The following FAM20A variants were observed in gnomAD, a reference collection of about 807,000 sequenced individuals.
FAM20A encodes the protein pseudokinase FAM20A.
Under a neutral mutation model 52.0 loss-of-function variants are expected in FAM20A, and 42 were observed. The ratio of observed to expected loss-of-function variants is 0.81; its 90% CI spans 0.63 to 1.04. FAM20A has a LOEUF of 1.04. Ranked by LOEUF, FAM20A falls within the 50% of genes least tolerant of loss-of-function variation. FAM20A has a pLI of 0.00. For synonymous variants in FAM20A, 304 were observed against 298.9 expected (o/e 1.02, Z -0.18); for missense variants, 742 against 712.7 (o/e 1.04, Z -0.47).
intron 1 of FAM20A, among the ~76,000 whole-genome samples, chr17:68,568,073 G>A (rs1423566834): frequency 6.6e-6 from 1 of 151,856 alleles, no homozygotes; most frequent in Non-Finnish European, 1.5e-5. Flanking sequence ...TCTTACTCTG[G>A]TCAGTCATTG....
chr17:68,544,713 A>C (rs2143543596), intron 4 of FAM20A, among the ~76,000 whole-genome samples: 1 of 133,796 alleles, frequency 7.5e-6, no homozygotes, highest in East Asian at 1.9e-4. Flanking sequence ...CCGTTACAGC[A>C]CAACCCTCCG....
Position 68,537,463 on chromosome 17 carries a change from G to A in FAM20A, c.*14C>T. The A allele has an allele frequency of 5.6e-6, 9 of 1,614,004 alleles. No individual in the cohort carries two copies. Among genetic ancestry groups the A allele is most frequent in the Non-Finnish European group, 7.6e-6 (9 of 1,180,002 alleles). On this transcript the variant is annotated 3_prime_UTR_variant, in exon 11 of 11. Transcript: ENST00000592554. The surrounding 1 kb of genome is among the most constrained non-coding windows in gnomAD (Gnocchi z 4.2). ...GCTCCAGGCGTATTTTCTGAAACTG[G>A]ACTCTGCCAGCCCTTAGCTTGTCAA...
At chr17:68,587,347 C>A (rs952169316) in intron 1 of FAM20A, among the ~76,000 whole-genome samples, 2 of 152,286 alleles carry the variant, frequency 1.3e-5, no homozygotes, top group South Asian at 4.1e-4. Context: ...TTTCTGACAG[C>A]AAATTATACC....
chr17:68,581,994 G>C (rs952944585), intron 1 of FAM20A, among the ~76,000 whole-genome samples: 18 of 152,114 alleles, frequency 1.2e-4, no homozygotes, highest in African/African-American at 4.3e-4. Context: ...TGGGTGAAGT[G>C]GTCAGCACTG....
At chr17:68,553,957 CAT>C (rs1243933480) in intron 3 of FAM20A, among the ~76,000 whole-genome samples, 9 of 142,960 alleles carry the variant, frequency 6.3e-5, no homozygotes, top group South Asian at 4.5e-4. Flanking sequence ...CACATATATG[CAT>C]ATATACATAT....
intron 1 of FAM20A, among the ~76,000 whole-genome samples, chr17:68,578,711 C>T (rs2087844738): frequency 1.3e-5 from 2 of 151,340 alleles, no homozygotes; most frequent in African/African-American, 2.4e-5. Flanking sequence ...TGTCTAGGCT[C>T]GGCCAGGTGC....
Position 68,537,131 on chromosome 17 carries a change from A to G in FAM20A, c.*346T>C. The G allele has an allele frequency of 8.2e-6, 4 of 489,568 alleles. No individual in the cohort carries two copies. Among genetic ancestry groups the G allele is most frequent in the South Asian group, 6.2e-5 (4 of 64,756 alleles). 30.3% of individuals were successfully genotyped at this position (489,568 alleles called of 1,614,324 possible). A position where few individuals can be genotyped will look rare whatever the true frequency, so the allele number is the denominator to read the frequency against. On this transcript the variant is annotated 3_prime_UTR_variant, in exon 11 of 11. Transcript: ENST00000592554. This position sits in a 1 kb window ranked among gnomAD's most constrained non-coding sequence, Gnocchi z 4.2. The stretch of plus-strand genomic sequence containing the variant: ...TCCTGAGAAGTCAGGTATCCACTTG[A>G]TGTCCTTTTATTTGACTTGTTACCA...
intron 4 of FAM20A, among the ~76,000 whole-genome samples, chr17:68,546,477 A>G (rs1219461590): frequency 2.0e-5 from 3 of 152,040 alleles, no homozygotes; most frequent in Non-Finnish European, 4.4e-5. Context: ...GACCTTGCCC[A>G]GGTTCATCAG....
At chr17:68,556,574 A>G (rs57868759) in intron 1 of FAM20A, among the ~76,000 whole-genome samples, 23,928 of 107,392 alleles carry the variant, frequency 0.22, 1,932 homozygotes, top group South Asian at 0.26. Context: ...AGAACGGGGC[A>G]GGGAGGGGGG....
rs546304679 is a variant in FAM20A at position 68,544,083 on chromosome 17, C to T, written c.720-362G>A. ...GAAGAGAGGGGAATGGTTAGCAGAA[C>T]CAGAGGTAGTGCAGATCCAGATGTC... On this transcript the variant is annotated intron_variant, in intron 4 of 10. Transcript: ENST00000592554. 3.9e-5 allele frequency among the ~76,000 whole-genome samples: 6 copies of T among 152,138 alleles called. No individual in the cohort carries two copies. In the South Asian group the frequency reaches 1.2e-3, roughly 32 times the overall value.
At chr17:68,564,983 C>A (rs1232247550) in intron 1 of FAM20A, among the ~76,000 whole-genome samples, 1 of 152,100 alleles carries the variant, frequency 6.6e-6, no homozygotes, top group Non-Finnish European at 1.5e-5. Flanking sequence ...TAGTCACTAA[C>A]CACACGGCTT....
At chr17:68,579,187 G>A (rs191495803) in intron 1 of FAM20A, among the ~76,000 whole-genome samples, 40 of 152,210 alleles carry the variant, frequency 2.6e-4, no homozygotes, top group Admixed American at 6.5e-4. Flanking sequence ...TTTCTTGGAG[G>A]TGATCCAATG....
intron 6 of FAM20A, 75 bp from the exon 7 acceptor site, chr17:68,542,240 C>A: frequency 6.6e-7 from 1 of 1,517,096 alleles, no homozygotes; most frequent in African/African-American, 1.4e-5. Flanking sequence ...CCTAGGAAAT[C>A]CACTGGGAGG....
At chr17:68,558,432 G>A (rs1391638760) in intron 1 of FAM20A, 1 of 377,756 alleles carries the variant, frequency 2.6e-6, no homozygotes, top group Non-Finnish European at 5.4e-6. Context: ...TAACATAGGG[G>A]TGGGTCCCTC....
chr17:68,553,685 G>T (rs12944075), intron 3 of FAM20A, among the ~76,000 whole-genome samples: 24,011 of 151,852 alleles, frequency 0.16, 1,948 homozygotes, highest in South Asian at 0.18. Context: ...ACCCCTGGGG[G>T]TGGAGGCTAG....
At chr17:68,599,113 A>AG in intron 1 of FAM20A, among the ~76,000 whole-genome samples, 1 of 151,876 alleles carries the variant, frequency 6.6e-6, no homozygotes, top group Non-Finnish European at 1.5e-5. Context: ...AAATTTCTGA[A>AG]GGTTTTTTTT....
chr17:68,573,448 CTTTCTTTCTTCT>C (rs1206420815), intron 1 of FAM20A, among the ~76,000 whole-genome samples: 28 of 121,564 alleles, frequency 2.3e-4, no homozygotes, highest in East Asian at 1.6e-3. Flanking sequence ...TTCTTTCTTT[CTTTCTTTCTTCT>C]TTCTTTCTTT....
intron 4 of FAM20A, among the ~76,000 whole-genome samples, chr17:68,547,647 C>T (rs1274087841): frequency 1.3e-5 from 2 of 152,238 alleles, no homozygotes; most frequent in Admixed American, 1.3e-4. Context: ...TCTCACCTGT[C>T]TCAGCCTTCA....
In FAM20A at chr17:68,600,735, G is replaced by T; in HGVS notation, c.-69C>A. Reference sequence around the variant, plus strand: ...CCGGGGTCCCGGGAGGGGTCGCGGGGTGCGGGCAGAAGAGGTGCCTGGAGT... The same window carrying T: ...CCGGGGTCCCGGGAGGGGTCGCGGGTTGCGGGCAGAAGAGGTGCCTGGAGT... On this transcript the variant is annotated 5_prime_UTR_variant, in exon 1 of 11. Coordinates refer to ENST00000592554, the MANE Select transcript of FAM20A (RefSeq NM_017565.4). The surrounding 1 kb of genome is among the most constrained non-coding windows in gnomAD (Gnocchi z 6.2). The T allele has an allele frequency of 6.7e-7, 1 of 1,493,780 alleles. No individual in the cohort carries two copies. The highest frequency in any genetic ancestry group is 8.9e-7 in the Non-Finnish European group (1 of 1,123,316). 92.5% of individuals were successfully genotyped at this position (1,493,780 alleles called of 1,614,324 possible).
Sources: allele counts gnomAD v4.1 joint callset (sites outside exome capture counted in the v4.1 genomes callset), GRCh38; gene constraint gnomAD v4.1.1; non-coding constraint Gnocchi (gnomAD v3.1); transcripts MANE v1.5; gene names NCBI Gene and HGNC (gene_info 2026-07-23, HGNC 2026-07-21).